The following DNAAF5 variants were observed in gnomAD, a reference collection of about 807,000 sequenced individuals.
DNAAF5 encodes the protein HEAT repeat containing 2.
DNAAF5 carries 64 observed loss-of-function variants against 75.8 expected under a neutral mutation model. That is an observed-to-expected ratio of 0.84 (90% CI 0.69 to 1.04). The LOEUF is 1.04. Among genes scored for constraint, DNAAF5 ranks in the 50% least tolerant of loss-of-function variants. DNAAF5 has a pLI of 0.00. For synonymous variants in DNAAF5, 657 were observed against 557.2 expected (o/e 1.18, Z -2.52); for missense variants, 1,269 against 1,178.5 (o/e 1.08, Z -1.12).
intron 12 of DNAAF5, among the ~76,000 whole-genome samples, chr7:781,106 T>A (rs1778925861): frequency 6.6e-6 from 1 of 152,240 alleles, no homozygotes; most frequent in Non-Finnish European, 1.5e-5. Flanking sequence ...GTCACCCTGT[T>A]GTGCTATCAA....
chr7:757,441 C>A (rs1782522953), intron 6 of DNAAF5, among the ~76,000 whole-genome samples: 1 of 152,238 alleles, frequency 6.6e-6, no homozygotes, highest in African/African-American at 2.4e-5. Flanking sequence ...CGTCCACCAT[C>A]CCATCCAGTC....
At chr7:739,745 G>A (rs1477150329) in intron 2 of DNAAF5, among the ~76,000 whole-genome samples, 7 of 152,160 alleles carry the variant, frequency 4.6e-5, no homozygotes, top group African/African-American at 1.7e-4. Context: ...GAACTTCGGA[G>A]CAGTCAGGCC....
intron 11 of DNAAF5, among the ~76,000 whole-genome samples, chr7:776,134 T>C: frequency 6.6e-6 from 1 of 151,926 alleles, no homozygotes; most frequent in East Asian, 1.9e-4. Flanking sequence ...AGTCAAGAGA[T>C]AGAAACCATC....
Position 726,840 on chromosome 7 carries a change from C to G in DNAAF5, c.120C>G (p.Ala40=), listed in dbSNP as rs1424157506. The G allele has an allele frequency of 9.8e-6, 13 of 1,325,602 alleles. No individual in the cohort carries two copies. The highest frequency in any genetic ancestry group is 1.5e-5 in the African/African-American group (1 of 65,008). The allele number at this position is 1,325,602 out of a possible 1,614,324, so 82.1% of individuals were successfully genotyped here. A position where few individuals can be genotyped will look rare whatever the true frequency, so the allele number is the denominator to read the frequency against. Residue 40 remains alanine (A), a synonymous_variant, in exon 1 of 13, where the codon GCC becomes GCG. Transcript: ENST00000297440. ...ALSRLLPGLE[A]DSKPGRRRAL... is the part of the protein sequence containing the mutation. ...GCCGCCTGCTGCCGGGGCTGGAGGCCGACAGCAAGCCGGGCCGGCGGCGCG... is the reference window on the plus strand; with the variant it reads ...GCCGCCTGCTGCCGGGGCTGGAGGCGGACAGCAAGCCGGGCCGGCGGCGCG...
intron 4 of DNAAF5, among the ~76,000 whole-genome samples, chr7:749,008 C>T (rs939202110): frequency 6.6e-6 from 1 of 152,218 alleles, no homozygotes; most frequent in Non-Finnish European, 1.5e-5. Flanking sequence ...AAATAAGGTA[C>T]ACACCATGTG....
intron 8 of DNAAF5, among the ~76,000 whole-genome samples, chr7:767,733 C>G (rs62432259): frequency 6.6e-6 from 1 of 150,570 alleles, no homozygotes; most frequent in Admixed American, 6.6e-5. Flanking sequence ...TGCTGCGAGG[C>G]GGAGCTGGCG....
At position 779,952 on chromosome 7, in the gene DNAAF5, G is replaced by T; in HGVS notation, c.2240-1G>T. On this transcript the variant is annotated splice_acceptor_variant, in intron 11 of 12. Coordinates refer to ENST00000297440, the MANE Select transcript of DNAAF5 (RefSeq NM_017802.4). LOFTEE classifies it high-confidence loss of function. ...ACACCTGTCTCGCTCCCTCCTTCCA[G>T]AACTCTTAAAACGCCTAGATGACGT... 1.2e-6 allele frequency: 2 copies of T among 1,613,856 alleles called. No individual in the cohort carries two copies. Among genetic ancestry groups the T allele is most frequent in the Non-Finnish European group, 1.7e-6 (2 of 1,179,836 alleles).
chr7:754,058 G>A lies in DNAAF5; in HGVS notation c.1025-531G>A, dbSNP rs1201897593. The stretch of plus-strand genomic sequence containing the variant: ...TCTCTCATCATATGGCGATGGCTTC[G>A]CAGGCGTGTGTCTCTCTGATCATAG... On this transcript the variant is annotated intron_variant, in intron 4 of 12. Transcript: ENST00000297440. This position sits in a 1 kb window ranked among gnomAD's most constrained non-coding sequence, Gnocchi z 4.8. Among the ~76,000 whole-genome samples the A allele has an allele frequency of 2.0e-5, 3 of 148,846 alleles. No homozygotes were observed. Among genetic ancestry groups the A allele is most frequent in the African/African-American group, 5.0e-5 (2 of 40,326 alleles).
intron 11 of DNAAF5, among the ~76,000 whole-genome samples, chr7:777,388 G>A (rs886849172): frequency 6.6e-6 from 1 of 152,160 alleles, no homozygotes; most frequent in Non-Finnish European, 1.5e-5. Flanking sequence ...ATTGAGGCGT[G>A]TTTAAGATCC....
At chr7:731,286 T>C (rs1781554122) in intron 2 of DNAAF5, among the ~76,000 whole-genome samples, 1 of 152,114 alleles carries the variant, frequency 6.6e-6, no homozygotes, top group Non-Finnish European at 1.5e-5. Flanking sequence ...AAAATAACCA[T>C]CACTGTCTAA....
In DNAAF5 at chr7:770,626, C is replaced by T. The variant is rs145254596; in HGVS notation, c.1931+8C>T. ...CACCATCAACTCCCAGGGGTAGGTCCGGGCTCTGCCTCTGCACGGCCCCCA... is the reference window on the plus strand; with the variant it reads ...CACCATCAACTCCCAGGGGTAGGTCTGGGCTCTGCCTCTGCACGGCCCCCA... On this transcript the variant is annotated splice_region_variant and intron_variant, in intron 9 of 12. Coordinates refer to ENST00000297440, the MANE Select transcript of DNAAF5 (RefSeq NM_017802.4). 1.6e-3 allele frequency: 2,623 copies of T among 1,611,862 alleles called. 6 individuals are homozygous for T. Among genetic ancestry groups the T allele is most frequent in the Non-Finnish European group, 1.9e-3 (2,276 of 1,179,228 alleles).
At chr7:779,842 A>G (rs1778877010) in intron 11 of DNAAF5, 111 bp from the exon 12 acceptor site, 1 of 911,048 alleles carries the variant, frequency 1.1e-6, no homozygotes, top group East Asian at 2.7e-5. Flanking sequence ...TGGGTTTCTT[A>G]GGACCCCAGG....
rs191515363 is a variant in DNAAF5, at chr7:775,123, G to A, written c.2200G>A (p.Gly734Ser). 183 of 1,614,130 alleles carry A rather than the reference G, an allele frequency of 1.1e-4. No individual in the cohort carries two copies. Among genetic ancestry groups the A allele is most frequent in the Middle Eastern group, 1.6e-4 (1 of 6,062 alleles). The change falls in exon 11 of 13, where the codon GGC becomes AGC. Residue 734 changes from glycine (G) to serine (S), a missense_variant. Physicochemically the swap from Gly to Ser is moderately conservative, Grantham distance 56. Transcript: ENST00000297440. Reference protein sequence around the residue: ...IINTFLKTSGGMTDPEKLIRI... With the variant: ...IINTFLKTSGSMTDPEKLIRI... ...CAACACGTTCTTAAAAACCTCGGGC[G>A]GCATGACGGATCCAGAGAAACTCAT... is the stretch of plus-strand genomic sequence containing the variant.
chr7:783,857 C>T (rs1779062684), intron 12 of DNAAF5, among the ~76,000 whole-genome samples: 1 of 152,190 alleles, frequency 6.6e-6, no homozygotes, highest in Non-Finnish European at 1.5e-5. Context: ...GGACCTTGCT[C>T]TAGGCCGAGG....
chr7:727,208 AC>A lies in DNAAF5; in HGVS notation c.490del (p.Leu164TrpfsTer45). On this transcript the variant is annotated frameshift_variant, in exon 1 of 13. Transcript: ENST00000297440. LOFTEE classifies it high-confidence loss of function. ...CTGTGCGGCGCCGCGCTCGCGCCCC[AC>A]CTGGACGACGCTCTGCGCGCGCTGC... is the stretch of plus-strand genomic sequence containing the variant. ...VDLCGAALAP[H>X]LDDALRALRC... The A allele has an allele frequency of 7.4e-7, 1 of 1,347,854 alleles. No individual in the cohort carries two copies. The highest frequency in any genetic ancestry group is 1.7e-5 in the South Asian group (1 of 59,254). 83.5% of individuals were successfully genotyped at this position (1,347,854 alleles called of 1,614,324 possible).
Position 773,508 on chromosome 7 carries a change from C to T in DNAAF5, c.1932-540C>T, listed in dbSNP as rs574667202. Among the ~76,000 whole-genome samples the T allele has an allele frequency of 2.0e-5, 3 of 152,292 alleles. 1 individual carries two copies. The highest frequency in any genetic ancestry group is 2.1e-4 in the South Asian group (1 of 4,822). Reference sequence around the variant, plus strand: ...AGTCGCCGACAGGGTGGGAACTGCCCGTCTCTCTGAGCTGTGGCCCTTGGG... The same window carrying T: ...AGTCGCCGACAGGGTGGGAACTGCCTGTCTCTCTGAGCTGTGGCCCTTGGG... On this transcript the variant is annotated intron_variant, in intron 9 of 12. Transcript: ENST00000297440.
chr7:739,832 G>A (rs994105876), intron 2 of DNAAF5, among the ~76,000 whole-genome samples: 62 of 152,260 alleles, frequency 4.1e-4, no homozygotes, highest in African/African-American at 1.2e-3. Context: ...GAGCCGGGGC[G>A]GAGCAGCCCC....
chr7:733,138 T>C (rs529067673), intron 2 of DNAAF5, among the ~76,000 whole-genome samples: 1 of 152,324 alleles, frequency 6.6e-6, no homozygotes, highest in African/African-American at 2.4e-5. Flanking sequence ...CATTGGTCTG[T>C]GTGTCTGTTT....
chr7:762,527 G>A (rs942634710), intron 7 of DNAAF5, among the ~76,000 whole-genome samples: 12 of 151,822 alleles, frequency 7.9e-5, no homozygotes, highest in Non-Finnish European at 1.6e-4. Flanking sequence ...GTGTGACTGA[G>A]TCGAGAGAAG....
Sources: gnomAD v4.1 joint callset for allele counts (sites outside exome capture counted in the v4.1 genomes callset) on GRCh38, gnomAD v4.1.1 for gene constraint, Gnocchi (gnomAD v3.1) non-coding constraint, MANE v1.5 for transcripts, NCBI Gene and HGNC (gene_info 2026-07-23, HGNC 2026-07-21) for gene names.